The following MVB12B variants were observed in gnomAD, a reference collection of about 807,000 sequenced individuals.
MVB12B encodes the protein multivesicular body subunit 12B, also known as ESCRT-I complex subunit MVB12B.
Under a neutral mutation model 41.6 loss-of-function variants are expected in MVB12B, and 16 were observed. That is an observed-to-expected ratio of 0.38 (90% CI 0.26 to 0.58). The LOEUF (loss-of-function observed/expected upper bound fraction) is 0.58, where lower values mean the gene tolerates loss of function less well. MVB12B is among the 20% of genes least tolerant of loss of function. The probability of loss-of-function intolerance (pLI) is 0.62; values close to 1 mark genes in which losing one functional copy is unlikely to be tolerated. For synonymous variants in MVB12B, 133 were observed against 139.7 expected, an observed-to-expected ratio of 0.95 and a Z score of 0.34; for missense variants, 274 against 380.2, an observed-to-expected ratio of 0.72 and a Z score of 2.32.
chr9:126,431,495 T>C (rs989870315), intron 7 of MVB12B, among the ~76,000 whole-genome samples: 3 of 152,162 alleles, frequency 2.0e-5, no homozygotes, highest in African/African-American at 7.2e-5. Context: ...GCCCCATGGG[T>C]AGGAAGAAGT....
chr9:126,494,112 TG>T (rs1833785876), intron 9 of MVB12B, among the ~76,000 whole-genome samples: 1 of 152,162 alleles, frequency 6.6e-6, no homozygotes, highest in African/African-American at 2.4e-5. Flanking sequence ...TTTTCCTTCA[TG>T]TTAAAGTGTT....
At position 126,503,272 on chromosome 9, in the gene MVB12B, C is replaced by CG; in HGVS notation, c.*11dup. ...AGATCCCGCAGTCCTGAGGAGCCAGCGGCCACCTGCGGGGAGACCACCGCC... is the reference window on the plus strand; with the variant it reads ...AGATCCCGCAGTCCTGAGGAGCCAGCGGGCCACCTGCGGGGAGACCACCGCC... On this transcript the variant is annotated 3_prime_UTR_variant, in exon 10 of 10. Coordinates refer to ENST00000361171, the MANE Select transcript of MVB12B (RefSeq NM_033446.3). 6.5e-7 allele frequency: 1 copy of CG among 1,548,860 alleles called. No individual in the cohort carries two copies.
chr9:126,343,926 A>T (rs550778590), intron 2 of MVB12B, among the ~76,000 whole-genome samples: 20 of 152,242 alleles, frequency 1.3e-4, no homozygotes, highest in Middle Eastern at 6.8e-3. Context: ...CTAAATAAAT[A>T]AATTAATTAA....
intron 7 of MVB12B, 77 bp from the exon 8 acceptor site, chr9:126,481,292 C>T (rs1044838594): frequency 5.8e-6 from 7 of 1,210,804 alleles, no homozygotes; most frequent in Non-Finnish European, 7.3e-6. Flanking sequence ...TTCTCTGTTT[C>T]GACATCTTCA....
chr9:126,342,533 T>C (rs1829475765), intron 2 of MVB12B, among the ~76,000 whole-genome samples: 3 of 152,232 alleles, frequency 2.0e-5, no homozygotes, highest in Admixed American at 6.5e-5. Flanking sequence ...ATGATTGTGC[T>C]GTGCCATGCA....
chr9:126,391,942 A>G lies in MVB12B; in HGVS notation c.410-124A>G, dbSNP rs1830967888. The G allele has an allele frequency of 1.7e-6, 2 of 1,144,372 alleles. No homozygotes were observed. Among genetic ancestry groups the G allele is most frequent in the Non-Finnish European group, 2.6e-6 (2 of 778,268 alleles). 70.9% of individuals were successfully genotyped at this position (1,144,372 alleles called of 1,614,324 possible). A position where few individuals can be genotyped will look rare whatever the true frequency, so the allele number is the denominator to read the frequency against. ...GCGGCAGAGCGCAGCCCTTCTGTCC[A>G]GCAGCTTAGGTGACCTGCCACTTCT... On this transcript the variant is annotated intron_variant, in intron 4 of 9. Coordinates refer to ENST00000361171, the MANE Select transcript of MVB12B (RefSeq NM_033446.3). This position sits in a 1 kb window ranked among gnomAD's most constrained non-coding sequence, Gnocchi z 4.4.
chr9:126,360,220 T>G (rs564023015), intron 2 of MVB12B, among the ~76,000 whole-genome samples: 1 of 152,310 alleles, frequency 6.6e-6, no homozygotes, highest in South Asian at 2.1e-4. Flanking sequence ...TTCCATGTAT[T>G]TGGGGACTTC....
Position 126,386,410 on chromosome 9 carries a change from TG to T in MVB12B, c.313-148del. 1 of 602,566 alleles carries T rather than the reference TG, an allele frequency of 1.7e-6. No homozygotes were observed. The highest frequency in any genetic ancestry group is 3.0e-6 in the Non-Finnish European group (1 of 332,546). The allele number at this position is 602,566 out of a possible 1,614,324, so 37.3% of individuals were successfully genotyped here. A position where few individuals can be genotyped will look rare whatever the true frequency, so the allele number is the denominator to read the frequency against. On this transcript the variant is annotated intron_variant, in intron 3 of 9. Transcript: ENST00000361171. The surrounding 1 kb of genome is among the most constrained non-coding windows in gnomAD (Gnocchi z 4.3). ...GCCACACGAGTCCCTGCATAACCAC[TG>T]GGGACCATTAAGTGTCACCTACTCT...
rs555627914 is a variant in MVB12B, at chr9:126,465,401, G to A, written c.758-15968G>A. 1.3e-4 allele frequency among the ~76,000 whole-genome samples: 20 copies of A among 152,260 alleles called. 1 individual carries two copies. The East Asian group carries it at 3.3e-3, about 25-fold the overall frequency. The stretch of plus-strand genomic sequence containing the variant: ...TGAATCAGAACCCCTGGGGTTGGGG[G>A]TGGCAGGCAGCAACAATCTTTTCAA... On this transcript the variant is annotated intron_variant, in intron 7 of 9. Coordinates refer to ENST00000361171, the MANE Select transcript of MVB12B (RefSeq NM_033446.3).
chr9:126,372,847 C>T (rs1161592609), intron 2 of MVB12B, among the ~76,000 whole-genome samples: 1 of 152,048 alleles, frequency 6.6e-6, no homozygotes, highest in Admixed American at 6.6e-5. Flanking sequence ...TCAGCCAGGC[C>T]CTAAATAATG....
intron 6 of MVB12B, among the ~76,000 whole-genome samples, chr9:126,400,439 C>T (rs560613783): frequency 1.4e-4 from 21 of 152,216 alleles, no homozygotes; most frequent in South Asian, 1.0e-3. Context: ...GGTGGTCAGA[C>T]GGCATTTGGA....
intron 9 of MVB12B, among the ~76,000 whole-genome samples, chr9:126,485,900 C>G (rs1489136142): frequency 6.6e-6 from 1 of 152,080 alleles, no homozygotes; most frequent in Non-Finnish European, 1.5e-5. Context: ...GTTAAGCAGT[C>G]ACACGCCACA....
intron 1 of MVB12B, among the ~76,000 whole-genome samples, chr9:126,328,948 A>G (rs1307576386): frequency 6.6e-6 from 1 of 151,788 alleles, no homozygotes; most frequent in East Asian, 1.9e-4. Context: ...GTTTTTTTAA[A>G]TTATTATTAT....
intron 2 of MVB12B, among the ~76,000 whole-genome samples, chr9:126,370,274 C>T (rs1830299506): frequency 6.6e-6 from 1 of 151,948 alleles, no homozygotes; most frequent in South Asian, 2.1e-4. Context: ...GTACTCCACT[C>T]ATTTTGTTGG....
intron 7 of MVB12B, chr9:126,448,378 A>G (rs1274271267): frequency 6.6e-6 from 1 of 152,048 alleles, no homozygotes; most frequent in Non-Finnish European, 1.5e-5. Context: ...CCAAATAATC[A>G]CCTTGTTATT....
intron 2 of MVB12B, among the ~76,000 whole-genome samples, chr9:126,371,343 G>A (rs1830331799): frequency 6.6e-6 from 1 of 152,256 alleles, no homozygotes; most frequent in Non-Finnish European, 1.5e-5. Context: ...TACCTGCTGC[G>A]ATGCGGCCAG....
intron 2 of MVB12B, among the ~76,000 whole-genome samples, chr9:126,344,048 A>T (rs1203152943): frequency 5.7e-5 from 5 of 87,078 alleles, no homozygotes; most frequent in Non-Finnish European, 1.3e-4. Flanking sequence ...TTTTCTTGGT[A>T]AAAAAAAAAA....
chr9:126,331,757 T>C (rs1481336138), intron 1 of MVB12B, among the ~76,000 whole-genome samples: 1 of 152,210 alleles, frequency 6.6e-6, no homozygotes, highest in Admixed American at 6.5e-5. Context: ...TCCCTTGGAC[T>C]CCAAAGGGGG....
chr9:126,493,922 C>G (rs1467845598), intron 9 of MVB12B, among the ~76,000 whole-genome samples: 2 of 152,188 alleles, frequency 1.3e-5, no homozygotes, highest in African/African-American at 4.8e-5. Context: ...CCTGTGAATG[C>G]TGAGGCCTCC....
Sources: allele counts gnomAD v4.1 joint callset (sites outside exome capture counted in the v4.1 genomes callset), GRCh38; gene constraint gnomAD v4.1.1; non-coding constraint Gnocchi (gnomAD v3.1); transcripts MANE v1.5; gene names NCBI Gene and HGNC (gene_info 2026-07-23, HGNC 2026-07-21).